CNTNAP5: variants seen among roughly 807,000 people sequenced by gnomAD.
CNTNAP5 encodes the protein contactin-associated protein-like 5.
CNTNAP5 carries 72 observed loss-of-function variants against 150.2 expected under a neutral mutation model. The observed-to-expected ratio is 0.48, with a 90% CI of 0.40 to 0.58. The LOEUF is 0.58. Ranked by LOEUF, CNTNAP5 falls within the 20% of genes least tolerant of loss-of-function variation. The probability of loss-of-function intolerance (pLI) is 0.00; values close to 1 mark genes in which losing one functional copy is unlikely to be tolerated. For synonymous variants in CNTNAP5, 672 were observed against 619.8 expected (o/e 1.08, Z -1.25); for missense variants, 1,636 against 1,626.2 (o/e 1.01, Z -0.10).
At chr2:124,447,427 G>T (rs748079876) in intron 6 of CNTNAP5, among the ~76,000 whole-genome samples, 19 of 152,160 alleles carry the variant, frequency 1.2e-4, no homozygotes, top group Admixed American at 1.3e-4. Context: ...TTGTAGAAGA[G>T]GTACAGTGAA....
At chr2:124,361,558 A>G (rs1384254906) in intron 3 of CNTNAP5, among the ~76,000 whole-genome samples, 1 of 145,128 alleles carries the variant, frequency 6.9e-6, no homozygotes, top group East Asian at 2.0e-4. Flanking sequence ...GTCTGTTGGA[A>G]TACCCTGCCT....
intron 3 of CNTNAP5, among the ~76,000 whole-genome samples, chr2:124,308,638 GGA>G (rs929252080): frequency 6.6e-6 from 1 of 152,246 alleles, no homozygotes; most frequent in East Asian, 1.9e-4. Flanking sequence ...GCTGAATTGG[GGA>G]GAGAAAACTT....
intron 19 of CNTNAP5, among the ~76,000 whole-genome samples, chr2:124,841,967 A>C (rs1436121579): frequency 6.6e-6 from 1 of 152,064 alleles, no homozygotes; most frequent in African/African-American, 2.4e-5. Context: ...TTAAAAAAAA[A>C]CCTTCAGAAA....
At chr2:124,309,197 C>G (rs936277397) in intron 3 of CNTNAP5, among the ~76,000 whole-genome samples, 1 of 152,132 alleles carries the variant, frequency 6.6e-6, no homozygotes, top group African/African-American at 2.4e-5. Context: ...TCTCTTAAAA[C>G]GTCTTGCTGT....
At chr2:124,881,598 A>G (rs1001232266) in intron 21 of CNTNAP5, among the ~76,000 whole-genome samples, 7 of 152,062 alleles carry the variant, frequency 4.6e-5, no homozygotes, top group African/African-American at 1.7e-4. Flanking sequence ...CATCAAGAAC[A>G]GGGGGAAGAG....
intron 3 of CNTNAP5, among the ~76,000 whole-genome samples, chr2:124,302,223 A>G (rs943681949): frequency 6.6e-6 from 1 of 152,270 alleles, no homozygotes; most frequent in Non-Finnish European, 1.5e-5. Context: ...GAAATTCTAG[A>G]CAACTGTTAC....
intron 19 of CNTNAP5, among the ~76,000 whole-genome samples, chr2:124,838,602 A>T (rs1313688278): frequency 6.6e-6 from 1 of 152,190 alleles, no homozygotes; most frequent in Non-Finnish European, 1.5e-5. Flanking sequence ...TATCTCATGC[A>T]GCTGGCTGCG....
intron 17 of CNTNAP5, among the ~76,000 whole-genome samples, chr2:124,787,662 T>A (rs1681628829): frequency 6.6e-6 from 1 of 150,894 alleles, no homozygotes; most frequent in African/African-American, 2.4e-5. Flanking sequence ...CCTCACATCC[T>A]CCCCATTTCT....
intron 3 of CNTNAP5, among the ~76,000 whole-genome samples, chr2:124,283,883 A>G (rs1447957309): frequency 6.6e-6 from 1 of 152,176 alleles, no homozygotes; most frequent in Non-Finnish European, 1.5e-5. Flanking sequence ...CCTCACCCTC[A>G]TGAACTAGTC....
intron 1 of CNTNAP5, among the ~76,000 whole-genome samples, chr2:124,108,697 C>T (rs978341251): frequency 2.0e-5 from 3 of 152,154 alleles, no homozygotes; most frequent in East Asian, 1.9e-4. Context: ...TATTTTCTAA[C>T]GTTTATTTGC....
chr2:124,228,416 A>G (rs1320310133), intron 2 of CNTNAP5, among the ~76,000 whole-genome samples: 1 of 152,158 alleles, frequency 6.6e-6, no homozygotes, highest in Admixed American at 6.5e-5. Flanking sequence ...AGCTGCCTGG[A>G]TATCCCTTAA....
intron 1 of CNTNAP5, among the ~76,000 whole-genome samples, chr2:124,094,007 G>A (rs1481407673): frequency 6.6e-6 from 1 of 152,180 alleles, no homozygotes; most frequent in African/African-American, 2.4e-5. Context: ...AGAGCTAATG[G>A]ATGGCAAATA....
At chr2:124,300,766 G>A (rs772491670) in intron 3 of CNTNAP5, among the ~76,000 whole-genome samples, 1 of 152,262 alleles carries the variant, frequency 6.6e-6, no homozygotes, top group Middle Eastern at 3.4e-3. Flanking sequence ...AACAGGTTTG[G>A]CCTGAGGGAC....
chr2:124,733,801 G>A (rs948293493), intron 13 of CNTNAP5, among the ~76,000 whole-genome samples: 5 of 152,198 alleles, frequency 3.3e-5, no homozygotes, highest in African/African-American at 1.2e-4. Context: ...TTGCAGTGAT[G>A]TGCAGGCAGG....
At chr2:124,629,045 C>A (rs72845009) in intron 12 of CNTNAP5, among the ~76,000 whole-genome samples, 3,229 of 152,234 alleles carry the variant, frequency 0.021, 44 homozygotes, top group Middle Eastern at 0.037. Flanking sequence ...TACAGGAACA[C>A]CTAGATTTAT....
chr2:124,757,783 G>A (rs1184941898), intron 14 of CNTNAP5, among the ~76,000 whole-genome samples: 1 of 152,126 alleles, frequency 6.6e-6, no homozygotes, highest in African/African-American at 2.4e-5. Context: ...CAAACCACCA[G>A]TACATAATAA....
chr2:124,247,580 A>G (rs749146355), intron 3 of CNTNAP5, among the ~76,000 whole-genome samples: 28 of 126,198 alleles, frequency 2.2e-4, no homozygotes, highest in Non-Finnish European at 9.3e-5. Context: ...ACAAAAATTC[A>G]ATAAATATAC....
intron 1 of CNTNAP5, among the ~76,000 whole-genome samples, chr2:124,124,885 G>T (rs1318346869): frequency 6.6e-6 from 1 of 152,160 alleles, no homozygotes; most frequent in African/African-American, 2.4e-5. Context: ...TCACCACCAG[G>T]CCTGCCCTAC....
chr2:124,811,771 T>G (rs571245348), intron 19 of CNTNAP5, among the ~76,000 whole-genome samples: 9 of 148,834 alleles, frequency 6.0e-5, no homozygotes. Flanking sequence ...AAAAACCCCA[T>G]CTGTACTAAA....
Sources: gnomAD v4.1 joint callset for allele counts (sites outside exome capture counted in the v4.1 genomes callset) on GRCh38, gnomAD v4.1.1 for gene constraint, MANE v1.5 for transcripts, NCBI Gene and HGNC (gene_info 2026-07-23, HGNC 2026-07-21) for gene names.